Variants in UBAP2 observed in about 807,000 individuals in gnomAD.
UBAP2 encodes the protein ubiquitin associated protein 2.
A neutral mutation model predicts 139.6 loss-of-function variants in UBAP2; 75 were observed. The observed-to-expected ratio is 0.54, with a 90% CI of 0.45 to 0.65. UBAP2 has a LOEUF of 0.65. Among genes scored for constraint, UBAP2 ranks in the 30% least tolerant of loss-of-function variants. The pLI, the probability that UBAP2 is intolerant of heterozygous loss-of-function variation, is 0.00. For missense variants in UBAP2, 1,368 were observed against 1,369.6 expected (o/e 1.00, Z 0.02); for synonymous variants, 526 against 526.2 (o/e 1.00, Z 0.01).
chr9:34,007,073 T>A (rs1823283320), intron 2 of UBAP2, among the ~76,000 whole-genome samples: 1 of 152,222 alleles, frequency 6.6e-6, no homozygotes, highest in Non-Finnish European at 1.5e-5. Flanking sequence ...AGATGTTTGA[T>A]GGAGTTTTTA....
At chr9:34,013,832 G>A (rs1186385690) in intron 2 of UBAP2, among the ~76,000 whole-genome samples, 2 of 151,334 alleles carry the variant, frequency 1.3e-5, no homozygotes, top group Non-Finnish European at 2.9e-5. Flanking sequence ...AGCTGAGAAC[G>A]CGCCACTGCA....
chr9:33,990,426 C>A (rs1371007158), intron 4 of UBAP2, among the ~76,000 whole-genome samples: 2 of 152,020 alleles, frequency 1.3e-5, no homozygotes, highest in Non-Finnish European at 2.9e-5. Context: ...TGGTCTTCTG[C>A]AAAGCTGTGA....
chr9:34,034,829 C>T (rs767635866), intron 1 of UBAP2, among the ~76,000 whole-genome samples: 6 of 151,772 alleles, frequency 4.0e-5, no homozygotes, highest in African/African-American at 7.3e-5. Flanking sequence ...GTCAAGATCA[C>T]GCCACTGCAC....
At chr9:33,947,875 C>G (rs1258304035) in intron 13 of UBAP2, among the ~76,000 whole-genome samples, 1 of 146,742 alleles carries the variant, frequency 6.8e-6, no homozygotes, top group African/African-American at 2.5e-5. Flanking sequence ...AGGCTGGATA[C>G]AGTGGTGCAC....
Position 33,922,845 on chromosome 9 carries a change from G to A in UBAP2, c.3106C>T (p.Pro1036Ser). The A allele has an allele frequency of 6.3e-7, 1 of 1,583,262 alleles. No individual in the cohort carries two copies. The highest frequency in any genetic ancestry group is 8.6e-7 in the Non-Finnish European group (1 of 1,162,810). ...FDKQGFHAGT[P>S]PPFSLPSVLG... is the part of the protein sequence containing the mutation. ...ACCGAGGGCAGGCTGAAAGGTGGAG[G>A]CGTCCCTGCATGAAATCCCTGCTTG... Residue 1036 changes from proline to serine, a missense_variant, in exon 28 of 29, where the codon CCT becomes TCT. Transcript: ENST00000379238.
intron 15 of UBAP2, among the ~76,000 whole-genome samples, chr9:33,942,447 A>G (rs536870307): frequency 1.3e-5 from 2 of 151,878 alleles, no homozygotes; most frequent in East Asian, 3.9e-4. Flanking sequence ...CAACAAAGTC[A>G]GCCAGGCCGG....
At chr9:33,978,802 A>G (rs1416954035) in intron 6 of UBAP2, among the ~76,000 whole-genome samples, 1 of 152,202 alleles carries the variant, frequency 6.6e-6, no homozygotes, top group African/African-American at 2.4e-5. Flanking sequence ...GAAAGAAAGA[A>G]AAAGTAGAGG....
chr9:34,005,867 A>G (rs1823160226), intron 2 of UBAP2, among the ~76,000 whole-genome samples: 1 of 152,242 alleles, frequency 6.6e-6, no homozygotes, highest in Admixed American at 6.5e-5. Context: ...CAATGAAAAT[A>G]CACCGTCCTT....
intron 1 of UBAP2, among the ~76,000 whole-genome samples, chr9:34,032,106 G>A (rs560725047): frequency 6.6e-6 from 1 of 152,148 alleles, no homozygotes; most frequent in East Asian, 1.9e-4. Context: ...GATCAGCCTG[G>A]GCAACATAGC....
At chr9:34,011,880 G>A (rs546790242) in intron 2 of UBAP2, among the ~76,000 whole-genome samples, 1 of 152,164 alleles carries the variant, frequency 6.6e-6, no homozygotes, top group Middle Eastern at 3.4e-3. Flanking sequence ...TTTCACAGTG[G>A]AAAATGTGAA....
intron 2 of UBAP2, among the ~76,000 whole-genome samples, chr9:34,001,757 C>A (rs1490375761): frequency 6.6e-6 from 1 of 152,074 alleles, no homozygotes; most frequent in Non-Finnish European, 1.5e-5. Context: ...TTTCTGCTCC[C>A]TGTGTTTCAA....
At position 33,985,314 on chromosome 9, in the gene UBAP2, G is replaced by A. The variant is rs181890577; in HGVS notation, c.520+1446C>T. Reference sequence around the variant, plus strand: ...AGGTATTTAGGATATCCGTTACCATGAGCATTTATCATTTCTATGTGTTGG... The same window carrying A: ...AGGTATTTAGGATATCCGTTACCATAAGCATTTATCATTTCTATGTGTTGG... On this transcript the variant is annotated intron_variant, in intron 6 of 28. Coordinates refer to ENST00000379238, the MANE Select transcript of UBAP2 (RefSeq NM_001370062.2). 2.0e-5 allele frequency among the ~76,000 whole-genome samples: 3 copies of A among 152,272 alleles called. No homozygotes were observed. In the East Asian group the frequency reaches 5.8e-4, roughly 29 times the overall value.
intron 11 of UBAP2, among the ~76,000 whole-genome samples, chr9:33,953,952 G>C (rs1826318718): frequency 6.6e-6 from 1 of 151,514 alleles, no homozygotes; most frequent in African/African-American, 2.4e-5. Context: ...TCTTACCAAG[G>C]CTGGAATGCA....
chr9:33,970,161 T>A (rs1406699565), intron 8 of UBAP2, among the ~76,000 whole-genome samples: 1 of 151,422 alleles, frequency 6.6e-6, no homozygotes, highest in Non-Finnish European at 1.5e-5. Context: ...CTCAAACTCC[T>A]GAGCTCAAGC....
At chr9:34,012,997 T>C (rs945607592) in intron 2 of UBAP2, among the ~76,000 whole-genome samples, 1 of 150,400 alleles carries the variant, frequency 6.6e-6, no homozygotes, top group Admixed American at 6.6e-5. Context: ...CTACTAAAAC[T>C]ACTAAAATTA....
At chr9:34,023,217 C>T (rs1408416869) in intron 1 of UBAP2, among the ~76,000 whole-genome samples, 1 of 141,064 alleles carries the variant, frequency 7.1e-6, no homozygotes, top group South Asian at 2.2e-4. Context: ...GCAAGACTGT[C>T]TCAAAAAAAA....
chr9:34,005,671 A>T (rs1207503526), intron 2 of UBAP2, among the ~76,000 whole-genome samples: 1 of 151,924 alleles, frequency 6.6e-6, no homozygotes, highest in Non-Finnish European at 1.5e-5. Flanking sequence ...AGGAAAGAGA[A>T]ATGAAGAGAT....
At chr9:34,043,131 T>G (rs528793962) in intron 1 of UBAP2, among the ~76,000 whole-genome samples, 2 of 152,264 alleles carry the variant, frequency 1.3e-5, no homozygotes, top group African/African-American at 4.8e-5. Flanking sequence ...CAATGACAAC[T>G]CTACATGTTT....
chr9:34,008,626 C>T (rs1233451167), intron 2 of UBAP2, among the ~76,000 whole-genome samples: 1 of 8,696 alleles, frequency 1.1e-4, no homozygotes, highest in Non-Finnish European at 2.4e-4. Context: ...GACTGCAAAG[C>T]GTAAGATATA....
Sources: gnomAD v4.1 joint callset for allele counts (sites outside exome capture counted in the v4.1 genomes callset) on GRCh38, gnomAD v4.1.1 for gene constraint, MANE v1.5 for transcripts, NCBI Gene and HGNC (gene_info 2026-07-23, HGNC 2026-07-21) for gene names.